The following RPA3 variants were observed in gnomAD, a reference collection of about 807,000 sequenced individuals.
RPA3 encodes replication protein A 14 kDa subunit.
In RPA3, 24 loss-of-function variants were observed where a neutral mutation model predicts 13.7. The observed-to-expected ratio is 1.75, with a 90% CI of 1.27 to 2.46. The LOEUF (loss-of-function observed/expected upper bound fraction) is 2.46, where lower values mean the gene tolerates loss of function less well. Ranked by LOEUF, RPA3 falls within the 30% of genes most tolerant of loss-of-function variation. The pLI, the probability that RPA3 is intolerant of heterozygous loss-of-function variation, is 0.00. For synonymous variants in RPA3, 59 were observed against 51.2 expected (o/e 1.15, Z -0.65); for missense variants, 183 against 151.0 (o/e 1.21, Z -1.11).
intron 4 of RPA3, among the ~76,000 whole-genome samples, chr7:7,651,146 G>T (rs939557738): frequency 2.6e-5 from 4 of 152,128 alleles, no homozygotes; most frequent in Non-Finnish European, 4.4e-5. Context: ...ATCTAAAAAA[G>T]TTGGATTAAA....
Position 7,640,444 on chromosome 7 carries a change from C to T in RPA3, c.-26G>A, listed in dbSNP as rs1212293874. ...GATTATGGTCCAAGACTGCGGCTGG[C>T]GGGAAACCCACGGACGACTGAAACT... On this transcript the variant is annotated 5_prime_UTR_variant, in exon 5 of 8. Transcript: ENST00000223129. The T allele has an allele frequency of 1.2e-6, 2 of 1,608,116 alleles. No individual in the cohort carries two copies. The highest frequency in any genetic ancestry group is 8.5e-7 in the Non-Finnish European group (1 of 1,175,798).
At chr7:7,703,047 G>A (rs1246462007) in intron 2 of RPA3, among the ~76,000 whole-genome samples, 1 of 152,188 alleles carries the variant, frequency 6.6e-6, no homozygotes, top group Non-Finnish European at 1.5e-5. Flanking sequence ...TAGTCTTCTA[G>A]TTAGTACTAC....
At chr7:7,666,616 T>C (rs1233689128) in intron 4 of RPA3, among the ~76,000 whole-genome samples, 1 of 152,120 alleles carries the variant, frequency 6.6e-6, no homozygotes, top group Non-Finnish European at 1.5e-5. Context: ...ATTTTCCTTG[T>C]GGTGGTTTGC....
intron 4 of RPA3, among the ~76,000 whole-genome samples, chr7:7,650,227 CATT>C (rs1785193337): frequency 1.3e-5 from 2 of 152,216 alleles, no homozygotes; most frequent in Non-Finnish European, 2.9e-5. Flanking sequence ...TCTGCCTAGA[CATT>C]ATTATTGCTT....
At position 7,640,824 on chromosome 7, in the gene RPA3, A is replaced by C; in HGVS notation, c.-406T>G. On this transcript the variant is annotated 5_prime_UTR_variant, in exon 5 of 8. Transcript: ENST00000223129. ...GGGGACTGCGGGGCCAGCCTCAGGT[A>C]CCTCGTCTCGCGGGAGGCGCCGCAA... is the stretch of plus-strand genomic sequence containing the variant. The C allele has an allele frequency of 5.2e-6, 1 of 194,040 alleles. No homozygotes were observed. 12.0% of individuals were successfully genotyped at this position (194,040 alleles called of 1,614,324 possible). A position where few individuals can be genotyped will look rare whatever the true frequency, so the allele number is the denominator to read the frequency against.
rs1203828937 is a variant in RPA3, at chr7:7,687,329, C to G, written c.-1027-1G>C. On this transcript the variant is annotated splice_acceptor_variant, in intron 2 of 7. Transcript: ENST00000223129. LOFTEE classifies it low-confidence loss of function (5UTR_SPLICE). Reference sequence around the variant, plus strand: ...AAGCAAAAGGAAACTGTACACAGATCTGCACTGACAAAAGGGAGTACAAAG... The same window carrying G: ...AAGCAAAAGGAAACTGTACACAGATGTGCACTGACAAAAGGGAGTACAAAG... 1 of 152,206 alleles carries G rather than the reference C, an allele frequency of 6.6e-6. No individual in the cohort carries two copies. The highest frequency in any genetic ancestry group is 1.5e-5 in the Non-Finnish European group (1 of 68,042). 9.4% of individuals were successfully genotyped at this position (152,206 alleles called of 1,614,324 possible). A position where few individuals can be genotyped will look rare whatever the true frequency, so the allele number is the denominator to read the frequency against.
At position 7,699,942 on chromosome 7, in the gene RPA3, A is replaced by G. The variant is rs180766526; in HGVS notation, c.-1027-12614T>C. On this transcript the variant is annotated intron_variant, in intron 2 of 7. Coordinates refer to ENST00000223129, the MANE Select transcript of RPA3 (RefSeq NM_002947.5). ...TAGCCAGAAAACTACACTTAAAAAT[A>G]AATTCCTGAAGTGAAAGTAAAAATT... Among the ~76,000 whole-genome samples, 8 of 152,358 alleles carry G rather than the reference A, an allele frequency of 5.3e-5. No homozygotes were observed. The East Asian group carries it at 1.5e-3, about 29-fold the overall frequency.
chr7:7,684,206 ATT>A (rs112128125), intron 4 of RPA3, among the ~76,000 whole-genome samples: 3 of 144,798 alleles, frequency 2.1e-5, no homozygotes, highest in African/African-American at 2.5e-5. Flanking sequence ...CACAGATGCA[ATT>A]TTTTTTTTTT....
At chr7:7,668,628 A>G (rs1313221793) in intron 4 of RPA3, among the ~76,000 whole-genome samples, 1 of 152,188 alleles carries the variant, frequency 6.6e-6, no homozygotes, top group African/African-American at 2.4e-5. Context: ...ACCATAGGCT[A>G]ATTGATATAA....
chr7:7,700,666 T>C (rs1413170938), intron 2 of RPA3, among the ~76,000 whole-genome samples: 3 of 152,194 alleles, frequency 2.0e-5, no homozygotes. Context: ...GGTGAGCAGA[T>C]CACCCAAGGT....
rs1780032208 is a variant in RPA3 at position 7,685,917 on chromosome 7, G to A, written c.-845C>T. ...TTTTTGATTGTAGTAATCAGTAAGT[G>A]AACATTCTTGAGCACTTTCTCTATC... is the stretch of plus-strand genomic sequence containing the variant. On this transcript the variant is annotated 5_prime_UTR_variant, in exon 4 of 8. Coordinates refer to ENST00000223129, the MANE Select transcript of RPA3 (RefSeq NM_002947.5). The A allele has an allele frequency of 6.6e-6, 1 of 152,176 alleles. No homozygotes were observed. Among genetic ancestry groups the A allele is most frequent in the South Asian group, 2.1e-4 (1 of 4,834 alleles). 9.4% of individuals were successfully genotyped at this position (152,176 alleles called of 1,614,324 possible).
At chr7:7,638,949 G>A (rs1784907824) in intron 6 of RPA3, 121 bp downstream of exon 6, 3 of 605,592 alleles carry the variant, frequency 5.0e-6, no homozygotes, top group African/African-American at 1.9e-5. Context: ...TACAGCCAGG[G>A]ACGTTTTACC....
At chr7:7,639,773 G>C (rs1461611628) in intron 5 of RPA3, 3 of 157,942 alleles carry the variant, frequency 1.9e-5, no homozygotes, top group Non-Finnish European at 4.2e-5. Flanking sequence ...CTTTTCCTCA[G>C]CTTTTCAGGT....
At chr7:7,669,733 A>T (rs995805759) in intron 4 of RPA3, among the ~76,000 whole-genome samples, 1 of 152,210 alleles carries the variant, frequency 6.6e-6, no homozygotes, top group Non-Finnish European at 1.5e-5. Flanking sequence ...TGGTGGTCAG[A>T]TTGGTGGAGT....
chr7:7,653,702 G>T (rs1392363714), intron 4 of RPA3, among the ~76,000 whole-genome samples: 1 of 152,230 alleles, frequency 6.6e-6, no homozygotes, highest in African/African-American at 2.4e-5. Context: ...TCTTTACCTA[G>T]AGAGTGCTGC....
chr7:7,646,753 C>T (rs1329307361), intron 4 of RPA3, among the ~76,000 whole-genome samples: 1 of 151,940 alleles, frequency 6.6e-6, no homozygotes, highest in Non-Finnish European at 1.5e-5. Flanking sequence ...CCTCTCTGAC[C>T]GTCCCCAGCC....
At position 7,637,981 on chromosome 7, in the gene RPA3, C is replaced by T; in HGVS notation, c.175-9G>A. On this transcript the variant is annotated splice_polypyrimidine_tract_variant and intron_variant, in intron 6 of 7. Transcript: ENST00000223129. ...GAGATTTCTTCATCAAGCTAAGACA[C>T]AGAACAAGACATCGATTTGGTGATA... The T allele has an allele frequency of 6.2e-7, 1 of 1,601,970 alleles. No individual in the cohort carries two copies. Among genetic ancestry groups the T allele is most frequent in the Non-Finnish European group, 8.5e-7 (1 of 1,170,038 alleles).
chr7:7,686,355 C>A (rs555902724), intron 3 of RPA3, among the ~76,000 whole-genome samples: 2 of 151,968 alleles, frequency 1.3e-5, no homozygotes, highest in Non-Finnish European at 2.9e-5. Flanking sequence ...AGAATGTTAT[C>A]CCATTGGCAG....
At chr7:7,673,508 T>G in intron 4 of RPA3, 1 of 676,728 alleles carries the variant, frequency 1.5e-6, no homozygotes, top group East Asian at 2.7e-5. Context: ...CTTTAAAAAA[T>G]TACTTGAAAA....
Sources: allele counts gnomAD v4.1 joint callset (sites outside exome capture counted in the v4.1 genomes callset), GRCh38; gene constraint gnomAD v4.1.1; transcripts MANE v1.5; gene names NCBI Gene and HGNC (gene_info 2026-07-23, HGNC 2026-07-21).